MBOAT2: variants seen among roughly 807,000 people sequenced by gnomAD.
The protein encoded by MBOAT2 is membrane bound glycerophospholipid O-acyltransferase 2.
In MBOAT2, 28 loss-of-function variants were observed where a neutral mutation model predicts 63.4. The observed-to-expected ratio is 0.44, with a 90% CI of 0.33 to 0.61. The LOEUF is 0.61. Ranked by LOEUF, MBOAT2 falls within the 20% of genes least tolerant of loss-of-function variation. The pLI is 0.03. For synonymous variants in MBOAT2, 211 were observed against 215.6 expected (o/e 0.98, Z 0.19); for missense variants, 470 against 605.8 (o/e 0.78, Z 2.35).
At chr2:8,861,861 T>C (rs1168501125) in intron 11 of MBOAT2, among the ~76,000 whole-genome samples, 1 of 152,188 alleles carries the variant, frequency 6.6e-6, no homozygotes, top group Non-Finnish European at 1.5e-5. Flanking sequence ...TACAAACTAC[T>C]GGAAGCTACC....
At position 8,999,442 on chromosome 2, in the gene MBOAT2, G is replaced by A. The variant is rs58907203; in HGVS notation, c.75+4098C>T. Among the ~76,000 whole-genome samples the A allele has an allele frequency of 5.9e-3, 903 of 152,276 alleles. 16 individuals are homozygous for A. The highest frequency in any genetic ancestry group is 0.021 in the African/African-American group (867 of 41,556). ...TTGGTAACCGGGAGTTAGGCAAATCGAATGTAATAGCGTACAGGATATGTT... is the reference window on the plus strand; with the variant it reads ...TTGGTAACCGGGAGTTAGGCAAATCAAATGTAATAGCGTACAGGATATGTT... On this transcript the variant is annotated intron_variant, in intron 1 of 12. Transcript: ENST00000305997.
intron 1 of MBOAT2, among the ~76,000 whole-genome samples, chr2:8,974,194 T>A (rs1670658783): frequency 6.6e-6 from 1 of 152,154 alleles, no homozygotes; most frequent in Non-Finnish European, 1.5e-5. Context: ...GCTAGACTCT[T>A]CACTAGTCTC....
intron 2 of MBOAT2, among the ~76,000 whole-genome samples, chr2:8,950,077 G>A (rs1436376176): frequency 6.6e-6 from 1 of 151,766 alleles, no homozygotes; most frequent in Non-Finnish European, 1.5e-5. Context: ...TTTCTGTGTG[G>A]CTATTGCAAA....
intron 3 of MBOAT2, among the ~76,000 whole-genome samples, chr2:8,917,926 T>G (rs1173540181): frequency 1.3e-5 from 2 of 152,338 alleles, no homozygotes; most frequent in East Asian, 3.9e-4. Flanking sequence ...ACAACAGGGA[T>G]GAGTTTTTTA....
chr2:8,894,677 G>A (rs1272826750), intron 4 of MBOAT2, among the ~76,000 whole-genome samples: 4 of 152,204 alleles, frequency 2.6e-5, no homozygotes, highest in East Asian at 1.9e-4. Flanking sequence ...TCTTGGTCTC[G>A]CTGACTTCAA....
At chr2:8,942,254 A>T (rs962012846) in intron 3 of MBOAT2, among the ~76,000 whole-genome samples, 1 of 152,186 alleles carries the variant, frequency 6.6e-6, no homozygotes, top group African/African-American at 2.4e-5. Flanking sequence ...CTTAGAAAAA[A>T]ACTAATAAAA....
At chr2:8,896,573 G>C (rs1044066182) in intron 4 of MBOAT2, among the ~76,000 whole-genome samples, 34 of 152,310 alleles carry the variant, frequency 2.2e-4, no homozygotes, top group African/African-American at 8.2e-4. Context: ...ATTTACTTTA[G>C]TTGAAAACCT....
intron 2 of MBOAT2, among the ~76,000 whole-genome samples, chr2:8,955,824 C>T (rs537534494): frequency 1.6e-4 from 24 of 152,288 alleles, no homozygotes; most frequent in African/African-American, 5.5e-4. Flanking sequence ...TTTGCCACAG[C>T]AACCCAAACC....
At chr2:8,987,794 C>G (rs1339984822) in intron 1 of MBOAT2, among the ~76,000 whole-genome samples, 1 of 152,052 alleles carries the variant, frequency 6.6e-6, no homozygotes, top group African/African-American at 2.4e-5. Context: ...TCAGTATGAG[C>G]CCAATTTTGT....
intron 9 of MBOAT2, among the ~76,000 whole-genome samples, 181 bp downstream of exon 9, chr2:8,868,265 T>C (rs1572921570): frequency 6.6e-6 from 1 of 152,212 alleles, no homozygotes. Flanking sequence ...ACCTATCTTA[T>C]TCCTTGTCTC....
Position 9,003,673 on chromosome 2 carries a change from G to T in MBOAT2, c.-59C>A. 9.4e-7 allele frequency: 1 copy of T among 1,066,634 alleles called. No individual in the cohort carries two copies. Among genetic ancestry groups the T allele is most frequent in the South Asian group, 4.5e-5 (1 of 22,402 alleles). 66.1% of individuals were successfully genotyped at this position (1,066,634 alleles called of 1,614,324 possible). ...CTCGCCCGCTCGCGCTGTGCCGGGC[G>T]ACGACGAGGATGGGGATGCAGCGGC... On this transcript the variant is annotated 5_prime_UTR_variant, in exon 1 of 13. Coordinates refer to ENST00000305997, the MANE Select transcript of MBOAT2 (RefSeq NM_138799.4). This position sits in a 1 kb window ranked among gnomAD's most constrained non-coding sequence, Gnocchi z 5.4.
intron 4 of MBOAT2, among the ~76,000 whole-genome samples, chr2:8,904,840 T>C (rs1176762012): frequency 1.3e-5 from 2 of 152,186 alleles, no homozygotes; most frequent in African/African-American, 4.8e-5. Context: ...GTTTTATACT[T>C]CTCTTGTATC....
intron 4 of MBOAT2, 38 bp from the exon 5 acceptor site, chr2:8,888,111 G>GA: frequency 2.6e-6 from 4 of 1,563,318 alleles, no homozygotes; most frequent in Non-Finnish European, 3.5e-6. Context: ...TTTAAAAGAA[G>GA]AAAGTTAAAA....
chr2:8,913,174 C>T (rs542737485), intron 3 of MBOAT2, among the ~76,000 whole-genome samples: 15 of 152,062 alleles, frequency 9.9e-5, no homozygotes, highest in Non-Finnish European at 1.8e-4. Flanking sequence ...TCACCTTATA[C>T]AAAAATCAAC....
At chr2:8,905,853 G>A (rs1434384681) in intron 4 of MBOAT2, among the ~76,000 whole-genome samples, 1 of 152,154 alleles carries the variant, frequency 6.6e-6, no homozygotes, top group African/African-American at 2.4e-5. Context: ...TTTAAACTTG[G>A]AGATTTATAA....
chr2:8,990,006 C>A (rs1671818111), intron 1 of MBOAT2, among the ~76,000 whole-genome samples: 1 of 152,208 alleles, frequency 6.6e-6, no homozygotes, highest in African/African-American at 2.4e-5. Flanking sequence ...ACAACTGGAA[C>A]ACAGGTTGAC....
At chr2:8,902,644 T>C (rs900387978) in intron 4 of MBOAT2, among the ~76,000 whole-genome samples, 1 of 152,074 alleles carries the variant, frequency 6.6e-6, no homozygotes, top group African/African-American at 2.4e-5. Flanking sequence ...CTGTAGACCT[T>C]TGCGGTGACT....
intron 10 of MBOAT2, 81 bp downstream of exon 10, chr2:8,864,089 C>A: frequency 1.0e-6 from 1 of 989,346 alleles, no homozygotes; most frequent in South Asian, 1.7e-5. Flanking sequence ...TTAATTTAAT[C>A]AAGAACCTGA....
Position 8,884,899 on chromosome 2 carries a change from A to G in MBOAT2, c.452-2334T>C, listed in dbSNP as rs113325012. On this transcript the variant is annotated intron_variant, in intron 5 of 12. Transcript: ENST00000305997. ...TCAACAAAAACCAATTAAAGACAAG[A>G]TATCATTTTTTAAAGCTAGAAGTCT... 2.1e-3 allele frequency among the ~76,000 whole-genome samples: 320 copies of G among 152,324 alleles called. 2 individuals are homozygous for G. Among genetic ancestry groups the G allele is most frequent in the Non-Finnish European group, 2.3e-3 (154 of 68,030 alleles).
Sources: gnomAD v4.1 joint callset for allele counts (sites outside exome capture counted in the v4.1 genomes callset) on GRCh38, gnomAD v4.1.1 for gene constraint, Gnocchi (gnomAD v3.1) non-coding constraint, MANE v1.5 for transcripts, NCBI Gene and HGNC (gene_info 2026-07-23, HGNC 2026-07-21) for gene names.